Variants in DCLK1 observed in about 807,000 individuals in gnomAD.
The protein encoded by DCLK1 is serine/threonine-protein kinase DCLK1.
A neutral mutation model predicts 86.2 loss-of-function variants in DCLK1; 16 were observed. That is an observed-to-expected ratio of 0.19 (90% confidence interval 0.13 to 0.28). The LOEUF (loss-of-function observed/expected upper bound fraction) is 0.28, where lower values mean the gene tolerates loss of function less well. Ranked by LOEUF, DCLK1 falls within the 10% of genes least tolerant of loss-of-function variation. The pLI is 1.00. For synonymous variants in DCLK1, 369 were observed against 370.5 expected (o/e 1.00, Z 0.05); for missense variants, 590 against 940.2 (o/e 0.63, Z 4.87).
At chr13:36,020,894 C>T (rs1460482315) in intron 3 of DCLK1, among the ~76,000 whole-genome samples, 2 of 152,122 alleles carry the variant, frequency 1.3e-5, no homozygotes, top group Non-Finnish European at 2.9e-5. Context: ...GGACACAAGA[C>T]ATTAACTTAA....
intron 3 of DCLK1, among the ~76,000 whole-genome samples, chr13:36,063,893 AATG>A (rs1000555404): frequency 3.3e-5 from 5 of 152,218 alleles, no homozygotes; most frequent in Non-Finnish European, 5.9e-5. Context: ...TGAATAAATT[AATG>A]ATGAGTTGGG....
At chr13:36,122,243 G>A (rs1369965608) in intron 2 of DCLK1, among the ~76,000 whole-genome samples, 1 of 152,084 alleles carries the variant, frequency 6.6e-6, no homozygotes. Flanking sequence ...TAGAAACTTG[G>A]AAAAAGCCCT....
intron 3 of DCLK1, among the ~76,000 whole-genome samples, chr13:36,106,896 C>G (rs139258130): frequency 6.6e-6 from 1 of 152,064 alleles, no homozygotes; most frequent in East Asian, 1.9e-4. Flanking sequence ...CACTCTAAAC[C>G]CAAGAGTCGA....
rs544916319 is a variant in DCLK1 at position 35,977,136 on chromosome 13, T to A, written c.724-29679A>T. Among the ~76,000 whole-genome samples the A allele has an allele frequency of 2.0e-5, 3 of 152,220 alleles. No individual in the cohort carries two copies. In the South Asian group the frequency reaches 6.2e-4, roughly 32 times the overall value. ...TCGTGTATGTGTGTGTGTATATATA[T>A]ACAGAGAGAGAAAGATAAATTCAAA... is the stretch of plus-strand genomic sequence containing the variant. On this transcript the variant is annotated intron_variant, in intron 3 of 16. Transcript: ENST00000360631.
intron 4 of DCLK1, among the ~76,000 whole-genome samples, chr13:35,886,007 CTT>C (rs10589320): frequency 0.035 from 4,528 of 130,186 alleles, 36 homozygotes; most frequent in Non-Finnish European, 0.052. Flanking sequence ...GAATAGGTTC[CTT>C]TTTTTTTTTT....
intron 3 of DCLK1, among the ~76,000 whole-genome samples, chr13:36,082,553 A>G (rs1884455243): frequency 6.6e-6 from 1 of 152,152 alleles, no homozygotes; most frequent in Non-Finnish European, 1.5e-5. Flanking sequence ...TGTCATTTAA[A>G]TTCTCAACAA....
In DCLK1 at chr13:35,769,897, G is replaced by C. The variant is rs1460005022; in HGVS notation, c.*4638C>G. Reference sequence around the variant, plus strand: ...AACTAGATCTCTCATTTGTCTGTATGGGCAAGATATGGTAAACCTCATGAT... The same window carrying C: ...AACTAGATCTCTCATTTGTCTGTATCGGCAAGATATGGTAAACCTCATGAT... On this transcript the variant is annotated 3_prime_UTR_variant, in exon 17 of 17. Transcript: ENST00000360631. 2.6e-5 allele frequency: 4 copies of C among 152,110 alleles called. No homozygotes were observed. The highest frequency in any genetic ancestry group is 2.9e-5 in the Non-Finnish European group (2 of 68,006). 9.4% of individuals were successfully genotyped at this position (152,110 alleles called of 1,614,324 possible).
intron 5 of DCLK1, among the ~76,000 whole-genome samples, chr13:35,859,163 A>G (rs1296597456): frequency 1.3e-5 from 2 of 152,206 alleles, no homozygotes; most frequent in African/African-American, 2.4e-5. Flanking sequence ...ACAATTCTTT[A>G]TCTTGAATGG....
intron 3 of DCLK1, among the ~76,000 whole-genome samples, chr13:36,092,483 CTTTTTTTT>C (rs71084405): frequency 3.5e-5 from 3 of 84,946 alleles, no homozygotes; most frequent in African/African-American, 4.2e-5. Context: ...GAGGCGTTTT[CTTTTTTTT>C]TTTTTTTTTT....
intron 4 of DCLK1, among the ~76,000 whole-genome samples, chr13:35,943,447 T>G (rs1877195361): frequency 6.6e-6 from 1 of 152,102 alleles, no homozygotes; most frequent in Non-Finnish European, 1.5e-5. Flanking sequence ...ATTCAGCATC[T>G]AAGCAAAACA....
At chr13:35,834,864 T>A (rs1455208897) in intron 8 of DCLK1, among the ~76,000 whole-genome samples, 1 of 152,156 alleles carries the variant, frequency 6.6e-6, no homozygotes, top group South Asian at 2.1e-4. Context: ...AGTGTTGGAG[T>A]AGAACAAGGT....
chr13:35,957,893 A>C (rs1593767037), intron 3 of DCLK1, among the ~76,000 whole-genome samples: 1 of 151,988 alleles, frequency 6.6e-6, no homozygotes, highest in East Asian at 1.9e-4. Flanking sequence ...CATTTCCAAA[A>C]TGATTATTAG....
chr13:36,105,496 A>G (rs1885361389), intron 3 of DCLK1, among the ~76,000 whole-genome samples: 1 of 152,178 alleles, frequency 6.6e-6, no homozygotes, highest in African/African-American at 2.4e-5. Flanking sequence ...GAAACTGAGG[A>G]TTATCAGGGT....
intron 15 of DCLK1, among the ~76,000 whole-genome samples, chr13:35,799,165 A>T (rs7328033): frequency 0.17 from 25,192 of 152,206 alleles, 3,211 homozygotes; most frequent in African/African-American, 0.35. Flanking sequence ...AGTGCAAACC[A>T]ATTAAATCAG....
intron 4 of DCLK1, among the ~76,000 whole-genome samples, chr13:35,919,336 C>A (rs1290080639): frequency 6.6e-6 from 1 of 152,086 alleles, no homozygotes; most frequent in Admixed American, 6.5e-5. Context: ...AGGCTTGTAG[C>A]GTCTAAGGCA....
At chr13:35,855,755 T>G in intron 5 of DCLK1, 4 of 1,302,166 alleles carry the variant, frequency 3.1e-6, no homozygotes, top group Non-Finnish European at 3.9e-6. Flanking sequence ...TTAGGCTACA[T>G]CAAAGGTGTC....
At chr13:35,802,176 A>C (rs1035439315) in intron 15 of DCLK1, among the ~76,000 whole-genome samples, 2 of 151,908 alleles carry the variant, frequency 1.3e-5, no homozygotes, top group Non-Finnish European at 2.9e-5. Flanking sequence ...ATAATTTTTC[A>C]AAAAAATTGC....
At chr13:35,905,903 T>A (rs905829861) in intron 4 of DCLK1, among the ~76,000 whole-genome samples, 4 of 152,224 alleles carry the variant, frequency 2.6e-5, no homozygotes, top group Middle Eastern at 3.4e-3. Flanking sequence ...GAAGTCCCAG[T>A]CGCCCATTAT....
At chr13:35,888,612 G>C (rs1204045888) in intron 4 of DCLK1, among the ~76,000 whole-genome samples, 1 of 152,186 alleles carries the variant, frequency 6.6e-6, no homozygotes, top group Non-Finnish European at 1.5e-5. Flanking sequence ...CAGCATATAG[G>C]CTTTTGGAGG....
Sources: allele counts gnomAD v4.1 joint callset (sites outside exome capture counted in the v4.1 genomes callset), GRCh38; gene constraint gnomAD v4.1.1; transcripts MANE v1.5; gene names NCBI Gene and HGNC (gene_info 2026-07-23, HGNC 2026-07-21).